Variants in FAM47E observed in about 807,000 individuals in gnomAD.
FAM47E encodes family with sequence similarity 47 member E.
A neutral mutation model predicts 41.6 loss-of-function variants in FAM47E; 32 were observed. The ratio of observed to expected loss-of-function variants is 0.77; its 90% CI spans 0.58 to 1.03. The LOEUF (loss-of-function observed/expected upper bound fraction) is 1.03, where lower values mean the gene tolerates loss of function less well. FAM47E is among the 50% of genes least tolerant of loss of function. The pLI is 0.00. For missense variants in FAM47E, 424 were observed against 485.4 expected (o/e 0.87, Z 1.19); for synonymous variants, 184 against 188.7 (o/e 0.98, Z 0.20).
chr4:76,227,932 G>T (rs1733426650), intron 2 of FAM47E, among the ~76,000 whole-genome samples: 1 of 152,136 alleles, frequency 6.6e-6, no homozygotes, highest in Admixed American at 6.6e-5. Context: ...TATGCATTAG[G>T]TGAGTCTCTT....
intron 2 of FAM47E, among the ~76,000 whole-genome samples, chr4:76,220,303 T>C (rs1471645513): frequency 1.3e-5 from 2 of 152,136 alleles, no homozygotes; most frequent in African/African-American, 4.8e-5. Context: ...GTTATAGACA[T>C]ACAGTGGAAA....
Position 76,256,261 on chromosome 4 carries a change from A to G in FAM47E, c.158A>G (p.Asp53Gly). Residue 53 changes from aspartate to glycine, a missense_variant, in exon 2 of 8, where the codon GAC becomes GGC. Asp to Gly is a moderately conservative substitution (Grantham distance 94). Transcript: ENST00000424749. Reference protein sequence around the residue: ...RQLVFPRKGLDDFRKGCPPCT... With the variant: ...RQLVFPRKGLGDFRKGCPPCT... Reference sequence around the variant, plus strand: ...TTGGTATTTCCAAGAAAGGGGCTGGACGACTTCAGGAAGGGCTGCCCGCCT... The same window carrying G: ...TTGGTATTTCCAAGAAAGGGGCTGGGCGACTTCAGGAAGGGCTGCCCGCCT... The G allele has an allele frequency of 6.4e-7, 1 of 1,551,702 alleles. No homozygotes were observed. Among genetic ancestry groups the G allele is most frequent in the South Asian group, 1.2e-5 (1 of 84,056 alleles).
At chr4:76,279,756 A>G (rs1333657544) in intron 6 of FAM47E, 4 of 152,478 alleles carry the variant, frequency 2.6e-5, no homozygotes, top group African/African-American at 9.7e-5. Flanking sequence ...GTGAGTTTTG[A>G]CTATTCTTGA....
At chr4:76,275,262 A>G (rs776950951) in intron 5 of FAM47E, among the ~76,000 whole-genome samples, 50 of 152,118 alleles carry the variant, frequency 3.3e-4, no homozygotes, top group Non-Finnish European at 2.4e-4. Flanking sequence ...CGCTGCCTGG[A>G]GTGCCCCTCC....
intron 7 of FAM47E, 70 bp from the exon 8 acceptor site, chr4:76,283,311 G>A (rs1735437088): frequency 1.2e-6 from 1 of 839,552 alleles, no homozygotes; most frequent in East Asian, 2.7e-5. Context: ...TATGGTAGTG[G>A]TTGTGGGGAG....
chr4:76,256,106 A>C lies in FAM47E; in HGVS notation c.75-72A>C, dbSNP rs933900818. The C allele has an allele frequency of 1.5e-5, 22 of 1,468,528 alleles. No homozygotes were observed. The South Asian group carries it at 3.0e-4, about 20-fold the overall frequency. 91.0% of individuals were successfully genotyped at this position (1,468,528 alleles called of 1,614,324 possible). On this transcript the variant is annotated intron_variant, in intron 1 of 7. Transcript: ENST00000424749. ...AGCCTTTTTACTACCTCCTTCTCCCACCCAAGTCCTGTGGTTAATATGAAC... is the reference window on the plus strand; with the variant it reads ...AGCCTTTTTACTACCTCCTTCTCCCCCCCAAGTCCTGTGGTTAATATGAAC...
chr4:76,278,128 G>A lies in FAM47E; in HGVS notation c.930G>A (p.Lys310=), dbSNP rs546451139. ...MRYGAWYLNP[K]LWKKQRVDEP... Reference sequence around the variant, plus strand: ...ATGGAGCATGGTATTTGAACCCCAAGTTGTGGAAAAAGCAAAGAGTAGACG... The same window carrying A: ...ATGGAGCATGGTATTTGAACCCCAAATTGTGGAAAAAGCAAAGAGTAGACG... The change falls in exon 6 of 8, where the codon AAG becomes AAA. Residue 310 remains lysine, a synonymous_variant. Transcript: ENST00000424749. The A allele has an allele frequency of 2.1e-4, 331 of 1,551,040 alleles. 1 individual carries two copies. In the South Asian group the frequency reaches 3.7e-3, roughly 18 times the overall value.
At chr4:76,251,896 G>A in intron 1 of FAM47E, 76 bp downstream of exon 1, 1 of 1,352,020 alleles carries the variant, frequency 7.4e-7, no homozygotes, top group Non-Finnish European at 9.4e-7. Flanking sequence ...CGCGCTTGCT[G>A]GGGCGGGGGC....
rs770275863 is a variant in FAM47E at position 76,236,897 on chromosome 4, C to CT, written c.81+19225dup. Among the ~76,000 whole-genome samples, 1,250 of 136,344 alleles carry CT rather than the reference C, an allele frequency of 9.2e-3. 10 individuals are homozygous for CT. The highest frequency in any genetic ancestry group is 0.025 in the African/African-American group (929 of 37,606). The allele number at this position is 136,344 out of a possible 152,430, so 89.4% of individuals were successfully genotyped here. A position where few individuals can be genotyped will look rare whatever the true frequency, so the allele number is the denominator to read the frequency against. On this transcript the variant is annotated intron_variant, in intron 2 of 7. Coordinates refer to the FAM47E transcript ENST00000510197. ...GTTGTAAAATATGTTTCTTTTCTTT[C>CT]TTTTTTTTTTTTTTTTGAGATAGAG...
intron 5 of FAM47E, among the ~76,000 whole-genome samples, chr4:76,276,263 C>T (rs1216685709): frequency 2.0e-5 from 3 of 151,568 alleles, no homozygotes; most frequent in South Asian, 4.2e-4. Context: ...GACAGACAAA[C>T]GATCAGAAAA....
Position 76,238,767 on chromosome 4 carries a change from TAACAC to T in FAM47E, c.81+21082_81+21086del, listed in dbSNP as rs753559011. 2.0e-5 allele frequency among the ~76,000 whole-genome samples: 3 copies of T among 152,172 alleles called. No individual in the cohort carries two copies. The South Asian group carries it at 6.2e-4, about 32-fold the overall frequency. ...ATTTTTAATTGTGGTAAAACATACATAACACAAAATTTACTATCTTAATCATTTTT... is the reference window on the plus strand; with the variant it reads ...ATTTTTAATTGTGGTAAAACATACATAAAATTTACTATCTTAATCATTTTT... On this transcript the variant is annotated intron_variant, in intron 2 of 7. Transcript: ENST00000510197.
Position 76,283,380 on chromosome 4 carries a change from G to A in FAM47E, c.1105-1G>A. 1 of 1,533,510 alleles carries A rather than the reference G, an allele frequency of 6.5e-7. No homozygotes were observed. Among genetic ancestry groups the A allele is most frequent in the Admixed American group, 2.0e-5 (1 of 50,262 alleles). 95.0% of individuals were successfully genotyped at this position (1,533,510 alleles called of 1,614,324 possible). A position where few individuals can be genotyped will look rare whatever the true frequency, so the allele number is the denominator to read the frequency against. ...ATGAAGGTTCTCTCATTTTTTTTTA[G>A]TTCCTTGAGAATATGTATATCGGGA... On this transcript the variant is annotated splice_acceptor_variant, in intron 7 of 7. Coordinates refer to ENST00000424749, the MANE Select transcript of FAM47E (RefSeq NM_001136570.3). LOFTEE classifies it high-confidence loss of function.
rs1735203947 is a variant in FAM47E at position 76,278,109 on chromosome 4, C to T, written c.911C>T (p.Ala304Val). The T allele has an allele frequency of 6.5e-7, 1 of 1,549,548 alleles. No individual in the cohort carries two copies. The highest frequency in any genetic ancestry group is 8.7e-7 in the Non-Finnish European group (1 of 1,146,342). Residue 304 changes from alanine to valine, a missense_variant, in exon 6 of 8, where the codon GCA (alanine) becomes GTA (valine). Coordinates refer to ENST00000424749, the MANE Select transcript of FAM47E (RefSeq NM_001136570.3). ...AAGTGGGTGAAGATGAGGTATGGAG[C>T]ATGGTATTTGAACCCCAAGTTGTGG... ...KPKWVKMRYG[A>V]WYLNPKLWKK... is the part of the protein sequence containing the mutation.
chr4:76,261,084 C>A (rs1734393430), intron 2 of FAM47E, among the ~76,000 whole-genome samples: 1 of 151,788 alleles, frequency 6.6e-6, no homozygotes, highest in South Asian at 2.1e-4. Context: ...CATCAGTAAT[C>A]ATCAGAGAAA....
intron 2 of FAM47E, among the ~76,000 whole-genome samples, chr4:76,240,157 G>A (rs982676043): frequency 2.0e-5 from 3 of 152,152 alleles, no homozygotes; most frequent in African/African-American, 4.8e-5. Context: ...AGCTTTTGAA[G>A]TGAAGATTTG....
chr4:76,271,737 T>TCAAA lies in FAM47E; in HGVS notation c.839_840insCAAA (p.Gly281LysfsTer4). On this transcript the variant is annotated frameshift_variant, in exon 5 of 8. Coordinates refer to ENST00000424749, the MANE Select transcript of FAM47E (RefSeq NM_001136570.3). LOFTEE classifies it high-confidence loss of function. The stretch of plus-strand genomic sequence containing the variant: ...CAGGAGACAGAGTTCTTCCAGAAAC[T>TCAAA]AGGCTATGAGAGGAAACTCCAGAAA... 1.3e-6 allele frequency: 2 copies of TCAAA among 1,551,622 alleles called. No individual in the cohort carries two copies. Among genetic ancestry groups the TCAAA allele is most frequent in the Non-Finnish European group, 1.7e-6 (2 of 1,146,948 alleles).
intron 2 of FAM47E, among the ~76,000 whole-genome samples, chr4:76,245,039 A>C (rs1733795154): frequency 6.6e-6 from 1 of 152,112 alleles, no homozygotes; most frequent in Admixed American, 6.5e-5. Context: ...CTAATTATCC[A>C]TCCATTTTAT....
At chr4:76,252,758 C>T (rs1734025711) in intron 1 of FAM47E, among the ~76,000 whole-genome samples, 1 of 152,178 alleles carries the variant, frequency 6.6e-6, no homozygotes, top group Non-Finnish European at 1.5e-5. Context: ...ACTGTAGGCT[C>T]ACCAGAAGTT....
intron 2 of FAM47E, among the ~76,000 whole-genome samples, chr4:76,258,227 C>G (rs1404612409): frequency 6.6e-6 from 1 of 152,158 alleles, no homozygotes; most frequent in African/African-American, 2.4e-5. Flanking sequence ...TAAGCCCTAC[C>G]CACTTAGCAA....
Sources: gnomAD v4.1 joint callset for allele counts (sites outside exome capture counted in the v4.1 genomes callset) on GRCh38, gnomAD v4.1.1 for gene constraint, MANE v1.5 for transcripts, NCBI Gene and HGNC (gene_info 2026-07-23, HGNC 2026-07-21) for gene names.